ADAM17: variants seen among roughly 807,000 people sequenced by gnomAD.
The protein encoded by ADAM17 is ADAM metallopeptidase domain 17.
ADAM17 carries 39 observed loss-of-function variants against 96.7 expected under a neutral mutation model. The ratio of observed to expected loss-of-function variants is 0.40; its 90% CI spans 0.31 to 0.53. ADAM17 has a LOEUF of 0.53. Ranked by LOEUF, ADAM17 falls within the 20% of genes least tolerant of loss-of-function variation. The pLI, the probability that ADAM17 is intolerant of heterozygous loss-of-function variation, is 0.44. For missense variants in ADAM17, 777 were observed against 1,013.2 expected, an observed-to-expected ratio of 0.77 and a Z score of 3.17; for synonymous variants, 344 against 359.2, an observed-to-expected ratio of 0.96 and a Z score of 0.48.
intron 4 of ADAM17, among the ~76,000 whole-genome samples, chr2:9,533,904 C>T (rs1219933098): frequency 6.6e-6 from 1 of 152,218 alleles, no homozygotes; most frequent in Non-Finnish European, 1.5e-5. Context: ...AGCTACTCAG[C>T]TATGGGAGTT....
At chr2:9,531,773 T>C (rs1432091861) in intron 4 of ADAM17, among the ~76,000 whole-genome samples, 2 of 151,800 alleles carry the variant, frequency 1.3e-5, no homozygotes, top group African/African-American at 2.4e-5. Context: ...TTTATATAAA[T>C]AGTAAGCTAT....
Position 9,543,049 on chromosome 2 carries a change from TA to T in ADAM17, c.230+103del. On this transcript the variant is annotated intron_variant, in intron 2 of 18. Coordinates refer to ENST00000310823, the MANE Select transcript of ADAM17 (RefSeq NM_003183.6). ...ATACTGGAAATTAATTACAAATCTT[TA>T]AAATGTAATTTCCCAAGATTTCAGT... 2.2e-6 allele frequency: 3 copies of T among 1,337,118 alleles called. No individual in the cohort carries two copies. The East Asian group carries it at 7.7e-5, about 34-fold the overall frequency. 82.8% of individuals were successfully genotyped at this position (1,337,118 alleles called of 1,614,324 possible).
intron 6 of ADAM17, among the ~76,000 whole-genome samples, chr2:9,523,864 T>C (rs1664410805): frequency 6.6e-6 from 1 of 151,950 alleles, no homozygotes; most frequent in Admixed American, 6.6e-5. Flanking sequence ...TATTTTTCTC[T>C]TCCTTATGAT....
intron 5 of ADAM17, among the ~76,000 whole-genome samples, chr2:9,526,883 CA>C (rs1229746718): frequency 1.3e-5 from 2 of 152,110 alleles, no homozygotes; most frequent in Non-Finnish European, 2.9e-5. Context: ...TATTCTACAA[CA>C]AGAAGTTTAT....
intron 10 of ADAM17, 37 bp from the exon 11 acceptor site, chr2:9,510,168 A>G: frequency 1.2e-6 from 2 of 1,610,788 alleles, no homozygotes; most frequent in Non-Finnish European, 1.7e-6. Context: ...ATTTCTCAAT[A>G]TCCAGCCATC....
intron 3 of ADAM17, 117 bp downstream of exon 3, chr2:9,536,581 G>T: frequency 2.9e-6 from 4 of 1,368,270 alleles, no homozygotes; most frequent in Non-Finnish European, 3.9e-6. Context: ...TCAAAGAATA[G>T]CACTTCTATG....
At chr2:9,513,935 C>T (rs13027788) in intron 10 of ADAM17, among the ~76,000 whole-genome samples, 62,947 of 149,688 alleles carry the variant, frequency 0.42, 14,362 homozygotes, top group Middle Eastern at 0.62. Flanking sequence ...TGCTTGAATC[C>T]GGGAGGCGGA....
At position 9,536,831 on chromosome 2, in the gene ADAM17, G is replaced by A. The variant is rs1394369977; in HGVS notation, c.231-3C>T. 1.9e-6 allele frequency: 3 copies of A among 1,612,754 alleles called. No homozygotes were observed. The Admixed American group carries it at 5.0e-5, about 27-fold the overall frequency. ...ATGTCAGGTATAATTTAAAATGCCTGAAGAAAAATGCATTCATATTTTACT... is the reference window on the plus strand; with the variant it reads ...ATGTCAGGTATAATTTAAAATGCCTAAAGAAAAATGCATTCATATTTTACT... On this transcript the variant is annotated splice_region_variant and splice_polypyrimidine_tract_variant and intron_variant, in intron 2 of 18. Transcript: ENST00000310823.
intron 8 of ADAM17, 101 bp from the exon 9 acceptor site, chr2:9,518,348 C>G (rs955243863): frequency 1.5e-6 from 2 of 1,334,160 alleles, no homozygotes; most frequent in Non-Finnish European, 2.0e-6. Context: ...CATTCCAGAA[C>G]AGAACTATGA....
At position 9,543,191 on chromosome 2, in the gene ADAM17, T is replaced by C. The variant is rs760623120; in HGVS notation, c.192A>G (p.Thr64=). ...SVRKRDLQTS[T]HVETLLTFSA... ...AAAAAGTTAGTAGTGTTTCTACATG[T>C]GTTGAAGTCTGTAGATCTCTTTTTC... is the stretch of plus-strand genomic sequence containing the variant. Residue 64 remains threonine, a synonymous_variant, in exon 2 of 19, where the codon ACA becomes ACG. Coordinates refer to ENST00000310823, the MANE Select transcript of ADAM17 (RefSeq NM_003183.6). 6.2e-7 allele frequency: 1 copy of C among 1,608,462 alleles called. No individual in the cohort carries two copies. The highest frequency in any genetic ancestry group is 8.5e-7 in the Non-Finnish European group (1 of 1,177,766).
intron 17 of ADAM17, among the ~76,000 whole-genome samples, chr2:9,492,540 A>G (rs2124958518): frequency 6.6e-6 from 1 of 152,316 alleles, no homozygotes; most frequent in South Asian, 2.1e-4. Flanking sequence ...TGAAATGCCG[A>G]TGTTTGATAT....
intron 5 of ADAM17, among the ~76,000 whole-genome samples, chr2:9,526,594 G>A (rs1196722904): frequency 6.6e-6 from 1 of 152,026 alleles, no homozygotes; most frequent in African/African-American, 2.4e-5. Context: ...ACGGGAGTTC[G>A]AGACCAGCCT....
At chr2:9,522,587 A>G in intron 7 of ADAM17, 1 of 427,296 alleles carries the variant, frequency 2.3e-6, no homozygotes, top group Non-Finnish European at 4.2e-6. Context: ...TATACTATAT[A>G]ACTTATAAAA....
Position 9,527,961 on chromosome 2 carries a change from C to T in ADAM17, c.451-7G>A. 6.7e-7 allele frequency: 1 copy of T among 1,499,614 alleles called. No homozygotes were observed. Among genetic ancestry groups the T allele is most frequent in the Non-Finnish European group, 9.0e-7 (1 of 1,115,702 alleles). 92.9% of individuals were successfully genotyped at this position (1,499,614 alleles called of 1,614,324 possible). Reference sequence around the variant, plus strand: ...TAACAAATCTCCAAAGTGGCTAAAACAGAAAATATATACGACTGAGATGGA... The same window carrying T: ...TAACAAATCTCCAAAGTGGCTAAAATAGAAAATATATACGACTGAGATGGA... On this transcript the variant is annotated splice_region_variant and splice_polypyrimidine_tract_variant and intron_variant, in intron 4 of 18. Coordinates refer to ENST00000310823, the MANE Select transcript of ADAM17 (RefSeq NM_003183.6).
chr2:9,489,259 A>ATTTTTTTTTTTTTTTTTTTTTTTTTTTTT lies in ADAM17; in HGVS notation c.*917_*918insAAAAAAAAAAAAAAAAAAAAAAAAAAAAA, dbSNP rs34525911. The stretch of plus-strand genomic sequence containing the variant: ...AATATTCTAGGTTTGTAGATAGTGA[A>ATTTTTTTTTTTTTTTTTTTTTTTTTTTTT]TTTTTTTTTTTTTTTTTTTTTTTTG... On this transcript the variant is annotated 3_prime_UTR_variant, in exon 19 of 19. Coordinates refer to ENST00000310823, the MANE Select transcript of ADAM17 (RefSeq NM_003183.6). 9.2e-5 allele frequency: 8 copies of ATTTTTTTTTTTTTTTTTTTTTTTTTTTTT among 87,398 alleles called. No homozygotes were observed. Among genetic ancestry groups the ATTTTTTTTTTTTTTTTTTTTTTTTTTTTT allele is most frequent in the African/African-American group, 4.5e-4 (7 of 15,528 alleles). 5.4% of individuals were successfully genotyped at this position (87,398 alleles called of 1,614,324 possible).
rs539383572 is a variant in ADAM17, at chr2:9,551,163, G to A, written c.97+4346C>T. ...TATGAACTCCAGAGAACAAGTCCAG[G>A]TCAGAGATACACGTCTAGTCATTAG... On this transcript the variant is annotated intron_variant, in intron 1 of 18. Transcript: ENST00000310823. Among the ~76,000 whole-genome samples the A allele has an allele frequency of 3.6e-4, 55 of 151,672 alleles. No homozygotes were observed. The South Asian group carries it at 6.5e-3, about 18-fold the overall frequency.
At chr2:9,538,154 T>C (rs1176028063) in intron 2 of ADAM17, among the ~76,000 whole-genome samples, 1 of 152,194 alleles carries the variant, frequency 6.6e-6, no homozygotes, top group Non-Finnish European at 1.5e-5. Context: ...CTAGGAGTGG[T>C]GAGCAAGACT....
intron 13 of ADAM17, among the ~76,000 whole-genome samples, chr2:9,499,814 G>T (rs1341797203): frequency 6.6e-6 from 1 of 152,134 alleles, no homozygotes; most frequent in African/African-American, 2.4e-5. Context: ...AGCCAAAATA[G>T]GACACAACTT....
intron 10 of ADAM17, among the ~76,000 whole-genome samples, chr2:9,510,650 C>T (rs34525045): frequency 0.24 from 34,308 of 144,140 alleles, 4,656 homozygotes; most frequent in Middle Eastern, 0.36. Context: ...GGAGACAGGG[C>T]GAGACTTCGT....
Sources: allele counts gnomAD v4.1 joint callset (sites outside exome capture counted in the v4.1 genomes callset), GRCh38; gene constraint gnomAD v4.1.1; transcripts MANE v1.5; gene names NCBI Gene and HGNC (gene_info 2026-07-23, HGNC 2026-07-21).